PDK1: variants seen among roughly 807,000 people sequenced by gnomAD.
The protein encoded by PDK1 is pyruvate dehydrogenase kinase 1.
PDK1 carries 39 observed loss-of-function variants against 54.2 expected under a neutral mutation model. The observed-to-expected ratio is 0.72, with a 90% CI of 0.56 to 0.94. The LOEUF is 0.94. Ranked by LOEUF, PDK1 falls within the 40% of genes least tolerant of loss-of-function variation. The pLI, the probability that PDK1 is intolerant of heterozygous loss-of-function variation, is 0.00. For synonymous variants in PDK1, 221 were observed against 207.1 expected (o/e 1.07, Z -0.58); for missense variants, 552 against 566.0 (o/e 0.98, Z 0.25).
intron 8 of PDK1, among the ~76,000 whole-genome samples, chr2:172,582,408 A>AC (rs1339179227): frequency 6.6e-6 from 1 of 152,196 alleles, no homozygotes; most frequent in Non-Finnish European, 1.5e-5. Flanking sequence ...ACATGAATTA[A>AC]CCTAGGGAGC....
chr2:172,591,338 C>T (rs1690575725), intron 9 of PDK1, among the ~76,000 whole-genome samples: 1 of 152,154 alleles, frequency 6.6e-6, no homozygotes. Flanking sequence ...AAACGCCGGG[C>T]GGCATCTCAT....
chr2:172,564,424 A>G, intron 3 of PDK1, 79 bp from the exon 4 acceptor site: 10 of 1,132,794 alleles, frequency 8.8e-6, no homozygotes, highest in Admixed American at 2.1e-5. Flanking sequence ...TTTGTCTAGC[A>G]TAGTTGGTTA....
chr2:172,572,389 C>T (rs958175855), intron 8 of PDK1, among the ~76,000 whole-genome samples: 1 of 152,038 alleles, frequency 6.6e-6, no homozygotes, highest in South Asian at 2.1e-4. Context: ...CAAGTATTGC[C>T]GCTGTCTCAT....
intron 8 of PDK1, among the ~76,000 whole-genome samples, chr2:172,583,281 GTTTTTTTTTTTTTTTTT>G (rs1175087926): frequency 2.6e-5 from 2 of 77,076 alleles, no homozygotes; most frequent in Non-Finnish European, 4.7e-5. Flanking sequence ...AAGTTTTCTG[GTTTTTTTTTTTTTTTTT>G]TTTTTTTTTT....
chr2:172,677,890 C>T, the PDK1 span, among the ~76,000 whole-genome samples: 1 of 152,088 alleles, frequency 6.6e-6, no homozygotes, highest in Non-Finnish European at 1.5e-5. Flanking sequence ...GAAATTAGGC[C>T]GGGTGCGGTA....
intron 7 of PDK1, among the ~76,000 whole-genome samples, chr2:172,570,298 C>T (rs1219605784): frequency 6.6e-6 from 1 of 152,118 alleles, no homozygotes; most frequent in Non-Finnish European, 1.5e-5. Context: ...CCATCAAATA[C>T]GACCATCGCT....
At chr2:172,594,131 G>A (rs1463044679) in intron 10 of PDK1, among the ~76,000 whole-genome samples, 3 of 150,116 alleles carry the variant, frequency 2.0e-5, no homozygotes, top group African/African-American at 7.4e-5. Context: ...TCCGCCTCCC[G>A]GGTTCAAGCT....
chr2:172,614,053 A>G, the PDK1 span, among the ~76,000 whole-genome samples: 1 of 152,124 alleles, frequency 6.6e-6, no homozygotes, highest in Admixed American at 6.5e-5. Context: ...GTGGACAAGC[A>G]GGAGCCCTGC....
At chr2:172,688,950 T>C in the PDK1 span, among the ~76,000 whole-genome samples, 2 of 152,314 alleles carry the variant, frequency 1.3e-5, no homozygotes, top group Middle Eastern at 3.4e-3. Context: ...TGGTGAGTGT[T>C]ACAGCTCTTA....
the PDK1 span, among the ~76,000 whole-genome samples, chr2:172,652,516 A>G: frequency 6.6e-6 from 1 of 152,246 alleles, no homozygotes; most frequent in Non-Finnish European, 1.5e-5. Context: ...TTAGAAAAAG[A>G]GGAAGTCAAA....
chr2:172,724,189 G>A, the PDK1 span: 2 of 152,042 alleles, frequency 1.3e-5, no homozygotes, highest in African/African-American at 4.8e-5. Context: ...ATTTCCACAG[G>A]TAGGTTGCTG....
chr2:172,704,456 T>A, the PDK1 span, among the ~76,000 whole-genome samples: 1 of 152,250 alleles, frequency 6.6e-6, no homozygotes, highest in Non-Finnish European at 1.5e-5. Flanking sequence ...AAGGGGTACA[T>A]TGAGAATCAC....
chr2:172,666,821 A>G, the PDK1 span, among the ~76,000 whole-genome samples: 1 of 152,182 alleles, frequency 6.6e-6, no homozygotes, highest in Non-Finnish European at 1.5e-5. Context: ...AACAAAGAAC[A>G]AGAGAGCTGA....
At position 172,558,815 on chromosome 2, in the gene PDK1, C is replaced by G; in HGVS notation, c.304C>G (p.Leu102Val). 6.2e-7 allele frequency: 1 copy of G among 1,611,474 alleles called. No homozygotes were observed. Among genetic ancestry groups the G allele is most frequent in the Non-Finnish European group, 8.5e-7 (1 of 1,179,088 alleles). ...KEISLLPDNL[L>V]RTPSVQLVQS... ...AATAAGTCTCCTTCCAGATAATCTT[C>G]TCAGGACACCATCCGTTCAATTGGT... Residue 102 changes from leucine (L) to valine (V), a missense_variant, in exon 2 of 11, where the codon CTC (leucine) becomes GTC (valine). Leu to Val is a conservative substitution (Grantham distance 32). Transcript: ENST00000282077.
At chr2:172,680,387 T>C in the PDK1 span, among the ~76,000 whole-genome samples, 1 of 152,166 alleles carries the variant, frequency 6.6e-6, no homozygotes, top group African/African-American at 2.4e-5. Flanking sequence ...GGTCTCACTC[T>C]GCTGCCTAGG....
rs1691310974 is a variant in PDK1 at position 172,606,751 on chromosome 2, AAAAC to A, written c.*10783_*10786del. ...TTCCTTTTTTTTTTAAAAAAAAAAA[AAAAC>A]CTTTTTCATGTTGAAGTTCACATGA... On this transcript the variant is annotated 3_prime_UTR_variant, in exon 11 of 11. Transcript: ENST00000282077. 1 of 151,988 alleles carries A rather than the reference AAAAC, an allele frequency of 6.6e-6. No individual in the cohort carries two copies. Among genetic ancestry groups the A allele is most frequent in the Admixed American group, 6.5e-5 (1 of 15,268 alleles). The allele number at this position is 151,988 out of a possible 1,614,324, so 9.4% of individuals were successfully genotyped here. A position where few individuals can be genotyped will look rare whatever the true frequency, so the allele number is the denominator to read the frequency against.
intron 8 of PDK1, among the ~76,000 whole-genome samples, chr2:172,580,860 A>G (rs1333364231): frequency 6.6e-6 from 1 of 151,732 alleles, no homozygotes; most frequent in Non-Finnish European, 1.5e-5. Flanking sequence ...CAATCACAAA[A>G]GGCCACATAT....
At chr2:172,633,218 A>AT in the PDK1 span, among the ~76,000 whole-genome samples, 3 of 144,026 alleles carry the variant, frequency 2.1e-5, no homozygotes, top group Non-Finnish European at 4.6e-5. Flanking sequence ...AATTAAAAAA[A>AT]ATTTTTTTTT....
the PDK1 span, among the ~76,000 whole-genome samples, chr2:172,646,063 GAT>G: frequency 6.6e-6 from 1 of 152,224 alleles, no homozygotes; most frequent in South Asian, 2.1e-4. Context: ...TACTAAATAA[GAT>G]AGCATAATTG....
Sources: gnomAD v4.1 joint callset for allele counts (sites outside exome capture counted in the v4.1 genomes callset) on GRCh38, gnomAD v4.1.1 for gene constraint, MANE v1.5 for transcripts, NCBI Gene and HGNC (gene_info 2026-07-23, HGNC 2026-07-21) for gene names.